The following TCF12 variants were observed in gnomAD, a reference collection of about 807,000 sequenced individuals.
TCF12 encodes the protein transcription factor 12.
A neutral mutation model predicts 86.0 loss-of-function variants in TCF12; 45 were observed. The observed-to-expected ratio is 0.52, with a 90% CI of 0.41 to 0.67. The LOEUF is 0.67. Ranked by LOEUF, TCF12 falls within the 30% of genes least tolerant of loss-of-function variation. The probability of loss-of-function intolerance (pLI) is 0.00; values close to 1 mark genes in which losing one functional copy is unlikely to be tolerated. For synonymous variants in TCF12, 330 were observed against 299.6 expected, an observed-to-expected ratio of 1.10 and a Z score of -1.05; for missense variants, 881 against 859.9, an observed-to-expected ratio of 1.02 and a Z score of -0.31.
chr15:56,991,121 C>T (rs1227968361), intron 3 of TCF12, among the ~76,000 whole-genome samples: 1 of 152,134 alleles, frequency 6.6e-6, no homozygotes, highest in African/African-American at 2.4e-5. Context: ...TAACAAATCT[C>T]AGGGGTTTGC....
At chr15:57,284,006 C>G (rs1287353207) in intron 20 of TCF12, among the ~76,000 whole-genome samples, 4 of 152,160 alleles carry the variant, frequency 2.6e-5, no homozygotes, top group African/African-American at 9.7e-5. Flanking sequence ...ACCTCCCCCA[C>G]AAAAAGTATC....
chr15:56,982,279 T>C (rs1289141756), intron 3 of TCF12, among the ~76,000 whole-genome samples: 1 of 152,210 alleles, frequency 6.6e-6, no homozygotes, highest in Non-Finnish European at 1.5e-5. Flanking sequence ...GTTTCTTTAG[T>C]TGATATGACT....
intron 4 of TCF12, among the ~76,000 whole-genome samples, chr15:57,071,559 C>G (rs146246515): frequency 6.6e-6 from 1 of 152,070 alleles, no homozygotes; most frequent in African/African-American, 2.4e-5. Context: ...CTCTAGAGCC[C>G]GGGAGGCGGA....
chr15:57,104,184 C>T (rs1415591804), intron 5 of TCF12, among the ~76,000 whole-genome samples: 2 of 151,634 alleles, frequency 1.3e-5, no homozygotes, highest in East Asian at 3.9e-4. Flanking sequence ...GGAGAGACAC[C>T]GTATATGTGA....
intron 3 of TCF12, among the ~76,000 whole-genome samples, chr15:56,953,550 T>C (rs1386069902): frequency 1.3e-5 from 2 of 152,090 alleles, no homozygotes; most frequent in East Asian, 3.9e-4. Context: ...ACCAACTAGG[T>C]GTAGAGTTTT....
chr15:57,280,259 T>G (rs1324737155), intron 19 of TCF12, among the ~76,000 whole-genome samples: 1 of 152,194 alleles, frequency 6.6e-6, no homozygotes, highest in East Asian at 1.9e-4. Flanking sequence ...CAACTACTTA[T>G]TAAGAAAGCA....
At chr15:57,025,413 GT>G (rs1303916096) in intron 3 of TCF12, among the ~76,000 whole-genome samples, 4 of 152,006 alleles carry the variant, frequency 2.6e-5, no homozygotes, top group Non-Finnish European at 5.9e-5. Context: ...ATTTATTGAG[GT>G]TTCTTTGGGG....
intron 11 of TCF12, 129 bp from the exon 12 acceptor site, chr15:57,233,914 A>T: frequency 1.4e-6 from 1 of 700,462 alleles, no homozygotes; most frequent in Non-Finnish European, 2.6e-6. Context: ...CAACACATGT[A>T]GAGTATTTCC....
At chr15:57,130,303 T>A (rs1242204457) in intron 5 of TCF12, among the ~76,000 whole-genome samples, 3 of 152,342 alleles carry the variant, frequency 2.0e-5, no homozygotes, top group South Asian at 4.1e-4. Context: ...ATATGTAGTT[T>A]ATAGTGAGCA....
At chr15:57,174,691 A>C (rs1355864657) in intron 6 of TCF12, among the ~76,000 whole-genome samples, 1 of 152,258 alleles carries the variant, frequency 6.6e-6, no homozygotes, top group African/African-American at 2.4e-5. Flanking sequence ...CACAGGATAC[A>C]AAGTCAATCT....
intron 3 of TCF12, among the ~76,000 whole-genome samples, chr15:56,962,831 C>A (rs1423202922): frequency 6.6e-6 from 1 of 152,042 alleles, no homozygotes; most frequent in Non-Finnish European, 1.5e-5. Flanking sequence ...GAATTCAGTT[C>A]GGTGAGAACA....
intron 5 of TCF12, among the ~76,000 whole-genome samples, chr15:57,135,319 C>T (rs546934996): frequency 3.9e-5 from 6 of 152,060 alleles, no homozygotes; most frequent in South Asian, 2.1e-4. Flanking sequence ...AAAAAGTAAA[C>T]GAAGGGAAAA....
At chr15:56,935,923 A>G (rs1215623274) in intron 3 of TCF12, among the ~76,000 whole-genome samples, 1 of 152,164 alleles carries the variant, frequency 6.6e-6, no homozygotes, top group Non-Finnish European at 1.5e-5. Flanking sequence ...AGCTGGTTCC[A>G]TATTTTTGCA....
intron 6 of TCF12, among the ~76,000 whole-genome samples, chr15:57,172,569 A>G (rs1436028014): frequency 6.6e-6 from 1 of 152,144 alleles, no homozygotes; most frequent in Non-Finnish European, 1.5e-5. Flanking sequence ...CTTAAATAAA[A>G]ACTCTGATGA....
chr15:57,130,606 T>C (rs973958296), intron 5 of TCF12, among the ~76,000 whole-genome samples: 1 of 152,178 alleles, frequency 6.6e-6, no homozygotes, highest in Non-Finnish European at 1.5e-5. Flanking sequence ...AATTTTCTTG[T>C]GAAGTGCTGT....
chr15:57,032,818 A>T (rs1185833206), intron 3 of TCF12, among the ~76,000 whole-genome samples: 3 of 152,238 alleles, frequency 2.0e-5, no homozygotes, highest in Non-Finnish European at 2.9e-5. Flanking sequence ...ACAAAAGGCC[A>T]TAAGTAATTC....
intron 3 of TCF12, among the ~76,000 whole-genome samples, chr15:56,953,915 T>A (rs1208678449): frequency 1.3e-5 from 2 of 151,140 alleles, no homozygotes; most frequent in Non-Finnish European, 3.0e-5. Flanking sequence ...CCCCCATTTC[T>A]TTGACTTCTG....
chr15:57,122,890 A>G (rs2051338151), intron 5 of TCF12, among the ~76,000 whole-genome samples: 1 of 152,206 alleles, frequency 6.6e-6, no homozygotes, highest in South Asian at 2.1e-4. Flanking sequence ...TTTGAAAGGG[A>G]TTTATTCTTT....
At chr15:57,142,469 A>AGAATGATGATGAATTGTT (rs2053049661) in intron 5 of TCF12, among the ~76,000 whole-genome samples, 1 of 152,222 alleles carries the variant, frequency 6.6e-6, no homozygotes, top group South Asian at 2.1e-4. Context: ...GATGTGCCAA[A>AGAATGATGATGAATTGTT]AGCCAGGCTA....
Sources: gnomAD v4.1 joint callset for allele counts (sites outside exome capture counted in the v4.1 genomes callset) on GRCh38, gnomAD v4.1.1 for gene constraint, MANE v1.5 for transcripts, NCBI Gene and HGNC (gene_info 2026-07-23, HGNC 2026-07-21) for gene names.